Variants in PADI6 observed in about 807,000 individuals in gnomAD.
PADI6 encodes the protein peptidyl arginine deiminase 6, also known as inactive protein-arginine deiminase type-6.
PADI6 carries 66 observed loss-of-function variants against 78.2 expected under a neutral mutation model. The observed-to-expected ratio is 0.84, with a 90% CI of 0.69 to 1.04. The LOEUF is 1.04. Among genes scored for constraint, PADI6 ranks in the 50% least tolerant of loss-of-function variants. The pLI is 0.00. For missense variants in PADI6, 854 were observed against 866.1 expected (o/e 0.99, Z 0.18); for synonymous variants, 397 against 346.9 (o/e 1.14, Z -1.60).
At chr1:17,393,004 G>A (rs988771149) in intron 9 of PADI6, among the ~76,000 whole-genome samples, 1 of 152,110 alleles carries the variant, frequency 6.6e-6, no homozygotes. Context: ...AAATCAGCCG[G>A]GCATGGTGGC....
intron 2 of PADI6, among the ~76,000 whole-genome samples, chr1:17,374,416 G>A (rs1004290038): frequency 2.0e-5 from 3 of 151,894 alleles, no homozygotes; most frequent in South Asian, 2.1e-4. Flanking sequence ...ACCTGAGGTC[G>A]GGAGTTTGAG....
chr1:17,396,980 C>CCA (rs61476146), intron 13 of PADI6, 91 bp from the exon 14 acceptor site: 463,547 of 1,247,800 alleles, frequency 0.37, 88,503 homozygotes, highest in African/African-American at 0.41. Context: ...AGGAATGCAC[C>CCA]CAGGTGGCTG....
intron 14 of PADI6, among the ~76,000 whole-genome samples, chr1:17,397,635 T>C (rs940621796): frequency 1.9e-4 from 29 of 152,062 alleles, no homozygotes; most frequent in African/African-American, 6.8e-4. Context: ...CCCAAGCATT[T>C]TGCGAGATAC....
At chr1:17,400,436 G>A (rs1177690194) in intron 15 of PADI6, among the ~76,000 whole-genome samples, 3 of 152,180 alleles carry the variant, frequency 2.0e-5, no homozygotes, top group Admixed American at 1.3e-4. Flanking sequence ...GAACCTGGGA[G>A]GTGGAGGTTG....
At chr1:17,396,530 C>A (rs1477842071) in intron 13 of PADI6, among the ~76,000 whole-genome samples, 1 of 152,166 alleles carries the variant, frequency 6.6e-6, no homozygotes, top group East Asian at 1.9e-4. Context: ...CTCCACACCT[C>A]CTGGATACTC....
At chr1:17,373,702 G>C (rs995910069) in intron 2 of PADI6, among the ~76,000 whole-genome samples, 2 of 152,078 alleles carry the variant, frequency 1.3e-5, no homozygotes, top group African/African-American at 4.8e-5. Flanking sequence ...ATGTTGGCCA[G>C]GCTGGTCTCA....
At chr1:17,396,311 G>C (rs1359166377) in intron 13 of PADI6, among the ~76,000 whole-genome samples, 7 of 152,178 alleles carry the variant, frequency 4.6e-5, no homozygotes, top group Non-Finnish European at 7.3e-5. Flanking sequence ...GCTTTAACCT[G>C]GGAGGTGGAG....
At chr1:17,376,602 G>A (rs1338552236) in intron 3 of PADI6, among the ~76,000 whole-genome samples, 1 of 150,832 alleles carries the variant, frequency 6.6e-6, no homozygotes, top group African/African-American at 2.4e-5. Context: ...ATTTCACTGT[G>A]TTGGCCAGGC....
At chr1:17,385,234 A>G (rs1013891362) in intron 6 of PADI6, among the ~76,000 whole-genome samples, 7 of 152,204 alleles carry the variant, frequency 4.6e-5, no homozygotes, top group Non-Finnish European at 8.8e-5. Context: ...GTCTGGTCGT[A>G]GCCTGAAATG....
At position 17,392,205 on chromosome 1, in the gene PADI6, C is replaced by G; in HGVS notation, c.1054C>G (p.Arg352Gly). ...GGCATCTGTCTATGAGGACCCCAAC[C>G]GCCTGGGCAGGTGGCTCCAGGTAAC... Reference protein sequence around the residue: ...QVASVYEDPNRLGRWLQDEMA... With the variant: ...QVASVYEDPNGLGRWLQDEMA... The change falls in exon 9 of 16, where the codon CGC becomes GGC. Residue 352 changes from arginine to glycine, a missense_variant. By Grantham distance (125) the Arg-to-Gly change is moderately radical. Transcript: ENST00000619609. The G allele has an allele frequency of 1.3e-6, 2 of 1,556,734 alleles. No individual in the cohort carries two copies. Among genetic ancestry groups the G allele is most frequent in the Non-Finnish European group, 1.7e-6 (2 of 1,149,942 alleles).
intron 12 of PADI6, 101 bp from the exon 13 acceptor site, chr1:17,395,439 G>A: frequency 7.0e-7 from 1 of 1,432,294 alleles, no homozygotes. Flanking sequence ...TCTGACCTCA[G>A]AGGATCTGCC....
intron 1 of PADI6, 78 bp from the exon 2 acceptor site, chr1:17,372,978 C>A: frequency 6.9e-7 from 1 of 1,450,422 alleles, no homozygotes; most frequent in Non-Finnish European, 9.5e-7. Flanking sequence ...CGGGAGCCGT[C>A]CCCTCCCCCA....
intron 11 of PADI6, 68 bp from the exon 12 acceptor site, chr1:17,394,883 A>G: frequency 2.0e-6 from 3 of 1,488,066 alleles, no homozygotes; most frequent in Non-Finnish European, 2.7e-6. Flanking sequence ...GCAGCATGAC[A>G]CCAAGTGGCG....
chr1:17,387,103 C>T (rs1225816919), intron 6 of PADI6, among the ~76,000 whole-genome samples: 2 of 152,274 alleles, frequency 1.3e-5, no homozygotes, highest in Non-Finnish European at 2.9e-5. Context: ...AGAGGAAGTT[C>T]GAGTGACCCA....
At chr1:17,392,342 G>A in intron 9 of PADI6, 117 bp downstream of exon 9, 2 of 739,056 alleles carry the variant, frequency 2.7e-6, no homozygotes, top group Non-Finnish European at 2.2e-6. Flanking sequence ...CCTTGATAGG[G>A]GCGGCCCTGT....
chr1:17,387,812 T>C (rs1277455813), intron 6 of PADI6, among the ~76,000 whole-genome samples: 4 of 152,198 alleles, frequency 2.6e-5, no homozygotes, highest in Admixed American at 1.3e-4. Context: ...AACTTCCTTC[T>C]GATCTCTTCT....
In PADI6 at chr1:17,394,477, T is replaced by C. The variant is rs748594887; in HGVS notation, c.1337+23T>C. 2.5e-6 allele frequency: 4 copies of C among 1,606,984 alleles called. No individual in the cohort carries two copies. The African/African-American group carries it at 4.0e-5, about 16-fold the overall frequency. Reference sequence around the variant, plus strand: ...CAGGTGAGCCACAAAGCCAGACGCCTCCAAATGAAAGGAAGGGACCATGGT... The same window carrying C: ...CAGGTGAGCCACAAAGCCAGACGCCCCCAAATGAAAGGAAGGGACCATGGT... On this transcript the variant is annotated intron_variant, in intron 11 of 15. Transcript: ENST00000619609.
chr1:17,396,355 C>T (rs565028816), intron 13 of PADI6, among the ~76,000 whole-genome samples: 2 of 152,272 alleles, frequency 1.3e-5, no homozygotes, highest in African/African-American at 2.4e-5. Context: ...CATTGCACTC[C>T]AGCCTGGGCC....
Position 17,393,986 on chromosome 1 carries a change from C to T in PADI6, c.1086C>T (p.Ala362=). The change falls in exon 10 of 16, where the codon GCC becomes GCT. Residue 362 remains alanine, a synonymous_variant. Transcript: ENST00000619609. ...CCTCTCCATTCCAGGATGAGATGGCCTTCTGCTACACCCAGGCTCCCCACA... is the reference window on the plus strand; with the variant it reads ...CCTCTCCATTCCAGGATGAGATGGCTTTCTGCTACACCCAGGCTCCCCACA... The part of the protein sequence containing the change: ...RLGRWLQDEM[A]FCYTQAPHKT... 1 of 1,613,862 alleles carries T rather than the reference C, an allele frequency of 6.2e-7. No homozygotes were observed. Among genetic ancestry groups the T allele is most frequent in the Non-Finnish European group, 8.5e-7 (1 of 1,179,794 alleles).
Sources: allele counts gnomAD v4.1 joint callset (sites outside exome capture counted in the v4.1 genomes callset), GRCh38; gene constraint gnomAD v4.1.1; transcripts MANE v1.5; gene names NCBI Gene and HGNC (gene_info 2026-07-23, HGNC 2026-07-21).